Variants in SLC45A4 observed in about 807,000 individuals in gnomAD.
SLC45A4 encodes the protein solute carrier family 45 member 4, also known as polyamine-transporter SLC45A4.
SLC45A4 carries 32 observed loss-of-function variants against 63.7 expected under a neutral mutation model. That is an observed-to-expected ratio of 0.50 (90% CI 0.38 to 0.67). The LOEUF (loss-of-function observed/expected upper bound fraction) is 0.67, where lower values mean the gene tolerates loss of function less well. SLC45A4 is among the 30% of genes least tolerant of loss of function. The pLI is 0.00. For synonymous variants in SLC45A4, 535 were observed against 510.0 expected (o/e 1.05, Z -0.66); for missense variants, 1,027 against 1,157.7 (o/e 0.89, Z 1.64).
chr8:141,281,688 A>G (rs1020300446), intron 1 of SLC45A4, among the ~76,000 whole-genome samples: 1 of 152,246 alleles, frequency 6.6e-6, no homozygotes, highest in African/African-American at 2.4e-5. Flanking sequence ...ACACAGGACC[A>G]TCTAGCTGAA....
chr8:141,253,333 G>T (rs1409252431), intron 2 of SLC45A4: 3 of 195,416 alleles, frequency 1.5e-5, no homozygotes, highest in African/African-American at 4.8e-5. Context: ...CCACCTGTGC[G>T]TCTGTGATTT....
At chr8:141,242,920 C>G (rs1356111972) in intron 2 of SLC45A4, among the ~76,000 whole-genome samples, 1 of 152,232 alleles carries the variant, frequency 6.6e-6, no homozygotes, top group African/African-American at 2.4e-5. Context: ...TCACAAGAGG[C>G]GACGGGATTT....
intron 1 of SLC45A4, among the ~76,000 whole-genome samples, chr8:141,299,840 A>C (rs1830685534): frequency 1.3e-5 from 2 of 152,134 alleles, no homozygotes; most frequent in African/African-American, 4.8e-5. Context: ...CAGTATTAAT[A>C]CCCAAAATAC....
chr8:141,218,752 G>A lies in SLC45A4; in HGVS notation c.888C>T (p.Asp296=). The change falls in exon 5 of 9, where the codon GAC becomes GAT. Residue 296 remains aspartate (D), a synonymous_variant. Transcript: ENST00000517878. ...EVQSEHELAL[D]YPDVDIMRSK... is the part of the protein sequence containing the mutation. ...TGCGCATGATGTCCACGTCCGGGTA[G>A]TCCAGGGCCAGCTCGTGCTCCGACT... 1 of 1,613,280 alleles carries A rather than the reference G, an allele frequency of 6.2e-7. No homozygotes were observed. The highest frequency in any genetic ancestry group is 8.5e-7 in the Non-Finnish European group (1 of 1,179,862).
At chr8:141,285,953 A>G (rs1266188104) in intron 1 of SLC45A4, among the ~76,000 whole-genome samples, 1 of 152,204 alleles carries the variant, frequency 6.6e-6, no homozygotes, top group Non-Finnish European at 1.5e-5. Flanking sequence ...GTTCCTCAGG[A>G]GAACCAGCAG....
At chr8:141,300,849 C>G (rs546749258) in intron 1 of SLC45A4, among the ~76,000 whole-genome samples, 25 of 152,358 alleles carry the variant, frequency 1.6e-4, no homozygotes, top group Non-Finnish European at 3.4e-4. Flanking sequence ...TAACACTGCG[C>G]ATTTAGAAAA....
intron 1 of SLC45A4, among the ~76,000 whole-genome samples, chr8:141,294,961 A>T (rs1830490359): frequency 6.6e-6 from 1 of 152,152 alleles, no homozygotes; most frequent in Non-Finnish European, 1.5e-5. Context: ...CAGGTAATGG[A>T]GCATTCACAC....
chr8:141,300,004 C>T (rs571951777), intron 1 of SLC45A4, among the ~76,000 whole-genome samples: 7 of 152,270 alleles, frequency 4.6e-5, no homozygotes, highest in South Asian at 2.1e-4. Flanking sequence ...TCCTAGAACA[C>T]GACCGTGGAA....
intron 1 of SLC45A4, among the ~76,000 whole-genome samples, chr8:141,267,606 G>C (rs953761725): frequency 6.6e-6 from 1 of 152,228 alleles, no homozygotes; most frequent in Admixed American, 6.5e-5. Context: ...AAAGCAAAGA[G>C]CTGGAAGAAC....
intron 2 of SLC45A4, among the ~76,000 whole-genome samples, chr8:141,248,707 T>C (rs1208711867): frequency 1.3e-5 from 2 of 150,698 alleles, no homozygotes; most frequent in Non-Finnish European, 3.0e-5. Flanking sequence ...CTCAATAAAG[T>C]GTAAGAATAT....
intron 1 of SLC45A4, among the ~76,000 whole-genome samples, chr8:141,304,678 T>C (rs1479956104): frequency 6.6e-6 from 1 of 152,072 alleles, no homozygotes; most frequent in Non-Finnish European, 1.5e-5. Flanking sequence ...CATCAGGGTT[T>C]TGTGCTATTT....
intron 2 of SLC45A4, among the ~76,000 whole-genome samples, chr8:141,238,683 A>C (rs769370590): frequency 7.2e-5 from 11 of 151,830 alleles, no homozygotes; most frequent in Admixed American, 2.0e-4. Flanking sequence ...AGCATCCACC[A>C]CCCATTCCCC....
At chr8:141,264,073 G>A (rs752285125) in intron 1 of SLC45A4, among the ~76,000 whole-genome samples, 3 of 152,170 alleles carry the variant, frequency 2.0e-5, no homozygotes, top group Non-Finnish European at 1.5e-5. Context: ...CCATGGGAAA[G>A]GTACCAGCAA....
intron 2 of SLC45A4, chr8:141,226,207 C>T (rs1250369631): frequency 6.6e-6 from 1 of 152,198 alleles, no homozygotes; most frequent in South Asian, 2.1e-4. Context: ...CATCTTTCCC[C>T]TCTGCTTGGA....
chr8:141,299,977 T>C (rs1188539313), intron 1 of SLC45A4, among the ~76,000 whole-genome samples: 1 of 152,206 alleles, frequency 6.6e-6, no homozygotes, highest in Non-Finnish European at 1.5e-5. Flanking sequence ...CGTTCTTCAC[T>C]GTTTAAACCG....
chr8:141,301,762 A>AAAAAAAAAAAAAAAG (rs71322124), intron 1 of SLC45A4, among the ~76,000 whole-genome samples: 2 of 126,624 alleles, frequency 1.6e-5, no homozygotes, highest in African/African-American at 2.9e-5. Context: ...AAAAAAAAAA[A>AAAAAAAAAAAAAAAG]TCCTGGGCAA....
At position 141,207,795 on chromosome 8, in the gene SLC45A4, C is replaced by A. The variant is rs537246574; in HGVS notation, c.*3777G>T. 4.3e-4 allele frequency: 65 copies of A among 152,402 alleles called. No individual in the cohort carries two copies. The highest frequency in any genetic ancestry group is 8.2e-4 in the Non-Finnish European group (56 of 68,214). 9.4% of individuals were successfully genotyped at this position (152,402 alleles called of 1,614,324 possible). A position where few individuals can be genotyped will look rare whatever the true frequency, so the allele number is the denominator to read the frequency against. On this transcript the variant is annotated 3_prime_UTR_variant, in exon 9 of 9. Coordinates refer to ENST00000517878, the MANE Select transcript of SLC45A4 (RefSeq NM_001286646.2). Reference sequence around the variant, plus strand: ...CCAAGGGGCCACCTTGAGCTCTGGCCGGAGGGTGATGGCTGGCTTTGCATG... The same window carrying A: ...CCAAGGGGCCACCTTGAGCTCTGGCAGGAGGGTGATGGCTGGCTTTGCATG...
intron 2 of SLC45A4, among the ~76,000 whole-genome samples, chr8:141,242,554 C>G (rs1569558581): frequency 6.6e-6 from 1 of 152,206 alleles, no homozygotes; most frequent in Non-Finnish European, 1.5e-5. Flanking sequence ...GGAAAAGAGC[C>G]TGAGGGTCTC....
At chr8:141,228,063 G>T (rs2154614210) in intron 2 of SLC45A4, 1 of 1,285,664 alleles carries the variant, frequency 7.8e-7, no homozygotes, top group Non-Finnish European at 1.1e-6. Context: ...GCAGAGCCCT[G>T]AGGGGAGAGC....
Sources: gnomAD v4.1 joint callset for allele counts (sites outside exome capture counted in the v4.1 genomes callset) on GRCh38, gnomAD v4.1.1 for gene constraint, MANE v1.5 for transcripts, NCBI Gene and HGNC (gene_info 2026-07-23, HGNC 2026-07-21) for gene names.